Variants in AGPS observed in about 807,000 individuals in gnomAD.
AGPS encodes the protein alkyldihydroxyacetonephosphate synthase, peroxisomal.
A neutral mutation model predicts 90.7 loss-of-function variants in AGPS; 26 were observed. The ratio of observed to expected loss-of-function variants is 0.29; its 90% CI spans 0.21 to 0.40. AGPS has a LOEUF of 0.40. Ranked by LOEUF, AGPS falls within the 10% of genes least tolerant of loss-of-function variation. The probability of loss-of-function intolerance (pLI) is 1.00; values close to 1 mark genes in which losing one functional copy is unlikely to be tolerated. For synonymous variants in AGPS, 294 were observed against 285.3 expected, an observed-to-expected ratio of 1.03 and a Z score of -0.31; for missense variants, 540 against 816.1, an observed-to-expected ratio of 0.66 and a Z score of 4.12.
chr2:177,520,886 A>G (rs1689165695), intron 17 of AGPS, among the ~76,000 whole-genome samples: 1 of 152,198 alleles, frequency 6.6e-6, no homozygotes, highest in Non-Finnish European at 1.5e-5. Context: ...CTTCTAGATA[A>G]CAAAACAATA....
Position 177,540,039 on chromosome 2 carries a change from A to C in AGPS, c.*1844A>C, listed in dbSNP as rs1314520720. 8.1e-6 allele frequency: 1 copy of C among 122,844 alleles called. No homozygotes were observed. The highest frequency in any genetic ancestry group is 1.7e-5 in the Non-Finnish European group (1 of 60,066). The allele number at this position is 122,844 out of a possible 1,614,324, so 7.6% of individuals were successfully genotyped here. A position where few individuals can be genotyped will look rare whatever the true frequency, so the allele number is the denominator to read the frequency against. ...CTAATGTCTCACTGGAAGTATATAT[A>C]TATATATATATATATGTATGCATGT... On this transcript the variant is annotated 3_prime_UTR_variant, in exon 20 of 20. Transcript: ENST00000264167.
chr2:177,510,059 T>C (rs191666740), intron 16 of AGPS, among the ~76,000 whole-genome samples: 1 of 152,158 alleles, frequency 6.6e-6, no homozygotes, highest in South Asian at 2.1e-4. Flanking sequence ...CTAAGACCAT[T>C]GTAGTGTTTA....
At chr2:177,450,093 T>G (rs1686894558) in intron 8 of AGPS, among the ~76,000 whole-genome samples, 1 of 152,292 alleles carries the variant, frequency 6.6e-6, no homozygotes, top group African/African-American at 2.4e-5. Context: ...TACCTCGGCC[T>G]CCCAAAGTGC....
chr2:177,477,044 G>A (rs920536024), intron 10 of AGPS, among the ~76,000 whole-genome samples: 5 of 152,046 alleles, frequency 3.3e-5, no homozygotes, highest in Non-Finnish European at 7.4e-5. Flanking sequence ...AATTTAAAGT[G>A]TAGATTCTGT....
At chr2:177,528,418 A>G (rs1574035322) in intron 19 of AGPS, among the ~76,000 whole-genome samples, 1 of 152,352 alleles carries the variant, frequency 6.6e-6, no homozygotes, top group African/African-American at 2.4e-5. Flanking sequence ...TTGTACCTCT[A>G]GCAGCATTGG....
intron 8 of AGPS, among the ~76,000 whole-genome samples, chr2:177,461,166 A>G (rs1199895791): frequency 6.6e-6 from 1 of 152,208 alleles, no homozygotes; most frequent in Non-Finnish European, 1.5e-5. Context: ...GTTTGAGAAG[A>G]GATGGCTGAG....
chr2:177,421,702 A>C (rs777336308), intron 2 of AGPS, among the ~76,000 whole-genome samples: 1 of 152,122 alleles, frequency 6.6e-6, no homozygotes, highest in Non-Finnish European at 1.5e-5. Flanking sequence ...CTAAATGTGG[A>C]ATCTTTTATG....
intron 11 of AGPS, among the ~76,000 whole-genome samples, chr2:177,483,029 A>G (rs1037543554): frequency 2.0e-5 from 3 of 152,070 alleles, no homozygotes; most frequent in Non-Finnish European, 4.4e-5. Context: ...GCTATACCCA[A>G]GTAGAATCTT....
chr2:177,477,593 T>A (rs1282947998), intron 10 of AGPS, among the ~76,000 whole-genome samples: 2 of 152,168 alleles, frequency 1.3e-5, no homozygotes, highest in Non-Finnish European at 2.9e-5. Context: ...ATTCCAAGAT[T>A]TAAAAAAATC....
At chr2:177,497,664 A>C (rs1688448683) in intron 12 of AGPS, 25 bp from the exon 13 acceptor site, 3 of 1,380,864 alleles carry the variant, frequency 2.2e-6, no homozygotes, top group Non-Finnish European at 2.0e-6. Flanking sequence ...CTAACCTATT[A>C]ATATAAACTT....
intron 19 of AGPS, among the ~76,000 whole-genome samples, chr2:177,529,741 G>A (rs570417561): frequency 3.3e-5 from 5 of 152,178 alleles, no homozygotes; most frequent in South Asian, 4.2e-4. Context: ...GGTTTCATTC[G>A]AACTTTTTGT....
At chr2:177,456,304 C>T (rs765831070) in intron 8 of AGPS, among the ~76,000 whole-genome samples, 2 of 152,170 alleles carry the variant, frequency 1.3e-5, no homozygotes, top group African/African-American at 2.4e-5. Flanking sequence ...TAGGAGAAAG[C>T]GGCTAAATGT....
intron 1 of AGPS, among the ~76,000 whole-genome samples, chr2:177,396,792 C>A (rs1685188636): frequency 6.6e-6 from 1 of 152,002 alleles, no homozygotes; most frequent in Admixed American, 6.6e-5. Flanking sequence ...AAATTAATGC[C>A]ACAGGAGTTT....
chr2:177,432,038 C>T (rs1686259870), intron 2 of AGPS, among the ~76,000 whole-genome samples: 1 of 152,210 alleles, frequency 6.6e-6, no homozygotes, highest in Admixed American at 6.5e-5. Context: ...GGGTCCCTGA[C>T]TTCCCACAAC....
At chr2:177,533,019 T>G (rs2079151792) in intron 19 of AGPS, among the ~76,000 whole-genome samples, 1 of 152,196 alleles carries the variant, frequency 6.6e-6, no homozygotes, top group South Asian at 2.1e-4. Flanking sequence ...ATCCTTAGTT[T>G]GATAGAACTG....
chr2:177,527,847 G>T (rs2079103801), intron 19 of AGPS, among the ~76,000 whole-genome samples: 1 of 152,134 alleles, frequency 6.6e-6, no homozygotes, highest in African/African-American at 2.4e-5. Context: ...CATTTAAATA[G>T]AAATCTTTTA....
At chr2:177,460,077 A>G (rs557056458) in intron 8 of AGPS, among the ~76,000 whole-genome samples, 1 of 152,352 alleles carries the variant, frequency 6.6e-6, no homozygotes, top group South Asian at 2.1e-4. Flanking sequence ...AGAAAACAAA[A>G]CACCACATGT....
chr2:177,461,793 T>A, intron 8 of AGPS, 100 bp from the exon 9 acceptor site: 9 of 955,048 alleles, frequency 9.4e-6, no homozygotes, highest in East Asian at 3.1e-5. Context: ...AATTCAAATA[T>A]CAATGACATG....
chr2:177,413,359 T>C (rs1409569566), intron 1 of AGPS, among the ~76,000 whole-genome samples: 1 of 152,232 alleles, frequency 6.6e-6, no homozygotes, highest in Non-Finnish European at 1.5e-5. Context: ...CTGTGTTCAG[T>C]TTTGTAGTTT....
Sources: allele counts gnomAD v4.1 joint callset (sites outside exome capture counted in the v4.1 genomes callset), GRCh38; gene constraint gnomAD v4.1.1; transcripts MANE v1.5; gene names NCBI Gene and HGNC (gene_info 2026-07-23, HGNC 2026-07-21).